The following HECTD4 variants were observed in gnomAD, a reference collection of about 807,000 sequenced individuals.
The protein encoded by HECTD4 is probable E3 ubiquitin-protein ligase HECTD4.
HECTD4 carries 114 observed loss-of-function variants against 471.5 expected under a neutral mutation model. The observed-to-expected ratio is 0.24, with a 90% CI of 0.21 to 0.28. The LOEUF (loss-of-function observed/expected upper bound fraction) is 0.28. HECTD4 is among the 10% of genes least tolerant of loss of function. The pLI, the probability that HECTD4 is intolerant of heterozygous loss-of-function variation, is 1.00. For synonymous variants in HECTD4, 2,012 were observed against 2,256.0 expected (o/e 0.89, Z 3.07); for missense variants, 3,866 against 5,651.5 (o/e 0.68, Z 10.13).
Position 112,212,653 on chromosome 12 carries a change from A to G in HECTD4, c.7466-3T>C. The G allele has an allele frequency of 6.3e-7, 1 of 1,596,208 alleles. No homozygotes were observed. The highest frequency in any genetic ancestry group is 8.5e-7 in the Non-Finnish European group (1 of 1,171,760). ...CCAGCCAATTCCTGCCACGTCACCT[A>G]TAGCAGAGAACGGGAAGGAAAACAT... On this transcript the variant is annotated splice_region_variant and splice_polypyrimidine_tract_variant and intron_variant, in intron 48 of 75. Coordinates refer to ENST00000682272, the MANE Select transcript of HECTD4 (RefSeq NM_001388303.1).
intron 66 of HECTD4, 110 bp from the exon 67 acceptor site, chr12:112,172,971 G>A (rs2031290307): frequency 1.1e-6 from 1 of 929,520 alleles, no homozygotes; most frequent in Non-Finnish European, 1.7e-6. Context: ...ACATTCAGAA[G>A]ACGGCCTCGC....
intron 1 of HECTD4, among the ~76,000 whole-genome samples, chr12:112,321,216 T>C (rs2035578698): frequency 6.6e-6 from 1 of 152,220 alleles, no homozygotes; most frequent in Non-Finnish European, 1.5e-5. Flanking sequence ...CCAATTCATA[T>C]TAGATTGTTT....
At chr12:112,379,929 TA>T (rs887704516) in intron 1 of HECTD4, among the ~76,000 whole-genome samples, 241 of 147,078 alleles carry the variant, frequency 1.6e-3, no homozygotes, top group African/African-American at 4.3e-3. Context: ...AAAAAGCAAT[TA>T]AAAAAAAAAA....
chr12:112,228,358 C>A lies in HECTD4; in HGVS notation c.6685-100G>T. On this transcript the variant is annotated intron_variant, in intron 42 of 75. Transcript: ENST00000682272. This position sits in a 1 kb window ranked among gnomAD's most constrained non-coding sequence, Gnocchi z 4.9. ...TATCTGGAGTTAATTCTTAAATTTT[C>A]AGTTAAAAAAATAAAATCACCATAC... 8.0e-7 allele frequency: 1 copy of A among 1,251,316 alleles called. No individual in the cohort carries two copies. Among genetic ancestry groups the A allele is most frequent in the African/African-American group, 1.6e-5 (1 of 63,672 alleles). The allele number at this position is 1,251,316 out of a possible 1,614,324, so 77.5% of individuals were successfully genotyped here. A position where few individuals can be genotyped will look rare whatever the true frequency, so the allele number is the denominator to read the frequency against.
At chr12:112,309,914 C>A (rs2035340248) in intron 4 of HECTD4, among the ~76,000 whole-genome samples, 1 of 152,132 alleles carries the variant, frequency 6.6e-6, no homozygotes, top group African/African-American at 2.4e-5. Context: ...TGTGGTTTAG[C>A]CCGCCAAATG....
Position 112,188,734 on chromosome 12 carries a change from G to A in HECTD4, c.9472+2052C>T, listed in dbSNP as rs1164468052. The stretch of plus-strand genomic sequence containing the variant: ...GGGATCAAGCTTCCTGCTCTCTCAG[G>A]ACTGACACTGCTTGCGAATTCTGGT... On this transcript the variant is annotated intron_variant, in intron 60 of 75. Transcript: ENST00000682272. The surrounding 1 kb of genome is among the most constrained non-coding windows in gnomAD (Gnocchi z 4.2). 6.6e-6 allele frequency among the ~76,000 whole-genome samples: 1 copy of A among 152,244 alleles called. No individual in the cohort carries two copies. The highest frequency in any genetic ancestry group is 1.5e-5 in the Non-Finnish European group (1 of 68,040).
In HECTD4 at chr12:112,193,583, G is replaced by A. The variant is rs778274664; in HGVS notation, c.8841C>T (p.Tyr2947=). Residue 2947 remains tyrosine, a synonymous_variant, in exon 57 of 76, where the codon TAC becomes TAT. Coordinates refer to ENST00000682272, the MANE Select transcript of HECTD4 (RefSeq NM_001388303.1). This position sits in a 1 kb window ranked among gnomAD's most constrained non-coding sequence, Gnocchi z 5.2. ...CTCTCACTGTCTGGGAGTTGCCCTG[G>A]TAAAAGAGGTCCGTGGCGGAGCAGT... The part of the protein sequence containing the change: ...SQNCSATDLF[Y]QGNSQTVREW... 1.2e-5 allele frequency: 20 copies of A among 1,613,060 alleles called. No homozygotes were observed. The highest frequency in any genetic ancestry group is 1.7e-5 in the Non-Finnish European group (20 of 1,179,638).
In HECTD4 at chr12:112,239,020, A is replaced by G; in HGVS notation, c.5290+32T>C. The G allele has an allele frequency of 6.4e-7, 1 of 1,562,746 alleles. No individual in the cohort carries two copies. Among genetic ancestry groups the G allele is most frequent in the East Asian group, 2.3e-5 (1 of 43,668 alleles). The stretch of plus-strand genomic sequence containing the variant: ...AACTAACACACCAATAGAAGAAATC[A>G]GTGAGCTCTAGAAAGGAGTCTGGCA... On this transcript the variant is annotated intron_variant, in intron 34 of 75. Transcript: ENST00000682272. The surrounding 1 kb of genome is among the most constrained non-coding windows in gnomAD (Gnocchi z 4.9).
intron 62 of HECTD4, among the ~76,000 whole-genome samples, chr12:112,180,529 T>C (rs2031627839): frequency 6.7e-6 from 1 of 149,776 alleles, no homozygotes; most frequent in African/African-American, 2.5e-5. Flanking sequence ...AGTGAGACTG[T>C]TTAAAAAAAA....
chr12:112,210,065 C>T lies in HECTD4; in HGVS notation c.7817G>A (p.Gly2606Asp). 2 of 1,614,000 alleles carry T rather than the reference C, an allele frequency of 1.2e-6. No individual in the cohort carries two copies. The highest frequency in any genetic ancestry group is 1.6e-4 in the Middle Eastern group (1 of 6,062). ...AATCCGGCATGGTGGCCCATGAGTG[C>T]CTGGGTCTGATGCAATACTGGTGCC... ...DAGTSIASDP[G>D]THGPPCRIAA... Residue 2606 changes from glycine (G) to aspartate (D), a missense_variant, in exon 50 of 76, where the codon GGC becomes GAC. Physicochemically the swap from Gly to Asp is moderately conservative, Grantham distance 94. Transcript: ENST00000682272.
intron 7 of HECTD4, chr12:112,301,999 G>T: frequency 1.1e-6 from 1 of 897,902 alleles, no homozygotes; most frequent in Non-Finnish European, 1.8e-6. Context: ...CATTGTCATT[G>T]GTCCTGATAC....
intron 1 of HECTD4, among the ~76,000 whole-genome samples, chr12:112,331,140 C>G (rs560773519): frequency 1.3e-5 from 2 of 152,188 alleles, no homozygotes; most frequent in East Asian, 3.9e-4. Context: ...GGCATGATCT[C>G]GACTCATGCA....
Position 112,295,630 on chromosome 12 carries a change from G to A in HECTD4, c.1335+10434C>T, listed in dbSNP as rs2034991221. On this transcript the variant is annotated intron_variant, in intron 7 of 75. Coordinates refer to ENST00000682272, the MANE Select transcript of HECTD4 (RefSeq NM_001388303.1). The stretch of plus-strand genomic sequence containing the variant: ...GCTGGGATTACAGGCATGAGCCACT[G>A]TACCTGGCCCTTTTTTTCTTTTTTT... 2.0e-5 allele frequency among the ~76,000 whole-genome samples: 3 copies of A among 150,064 alleles called. 1 individual carries two copies. Among genetic ancestry groups the A allele is most frequent in the South Asian group, 4.2e-4 (2 of 4,732 alleles).
intron 3 of HECTD4, 47 bp from the exon 4 acceptor site, chr12:112,313,194 T>G (rs1456918239): frequency 6.7e-7 from 1 of 1,482,342 alleles, no homozygotes; most frequent in Non-Finnish European, 9.0e-7. Flanking sequence ...GACAATCCAT[T>G]TCAGCAAGAA....
At chr12:112,206,236 C>T (rs1697148268) in intron 52 of HECTD4, among the ~76,000 whole-genome samples, 2 of 152,118 alleles carry the variant, frequency 1.3e-5, no homozygotes, top group South Asian at 4.1e-4. Flanking sequence ...TGGCTCACAC[C>T]TGTAATCCCA....
chr12:112,294,242 A>G (rs1176018580), intron 7 of HECTD4, among the ~76,000 whole-genome samples: 1 of 152,218 alleles, frequency 6.6e-6, no homozygotes, highest in Non-Finnish European at 1.5e-5. Context: ...CATAATTACC[A>G]GCAAATCTAA....
At chr12:112,220,464 C>T (rs145487917) in intron 44 of HECTD4, among the ~76,000 whole-genome samples, 139 of 152,058 alleles carry the variant, frequency 9.1e-4, no homozygotes, top group African/African-American at 3.2e-3. Context: ...TGACTTCATT[C>T]GAGCATCCAG....
chr12:112,194,236 C>G lies in HECTD4; in HGVS notation c.8750-562G>C, dbSNP rs1170736471. ...CCCACAGTTGTGAGCTGGAGGGCAGCTACCCAGGATGCTGACTGAGCCTAG... is the reference window on the plus strand; with the variant it reads ...CCCACAGTTGTGAGCTGGAGGGCAGGTACCCAGGATGCTGACTGAGCCTAG... On this transcript the variant is annotated intron_variant, in intron 56 of 75. Transcript: ENST00000682272. The surrounding 1 kb of genome is among the most constrained non-coding windows in gnomAD (Gnocchi z 4.6). Among the ~76,000 whole-genome samples, 2 of 152,252 alleles carry G rather than the reference C, an allele frequency of 1.3e-5. No homozygotes were observed. Among genetic ancestry groups the G allele is most frequent in the Non-Finnish European group, 2.9e-5 (2 of 68,036 alleles).
intron 60 of HECTD4, among the ~76,000 whole-genome samples, chr12:112,187,400 T>C (rs763492669): frequency 2.0e-5 from 3 of 152,090 alleles, no homozygotes; most frequent in Admixed American, 6.6e-5. Flanking sequence ...AATGGATGGA[T>C]AGATGGACTG....
Sources: allele counts gnomAD v4.1 joint callset (sites outside exome capture counted in the v4.1 genomes callset), GRCh38; gene constraint gnomAD v4.1.1; non-coding constraint Gnocchi (gnomAD v3.1); transcripts MANE v1.5; gene names NCBI Gene and HGNC (gene_info 2026-07-23, HGNC 2026-07-21).